Variants in RBMS3 observed in about 807,000 individuals in gnomAD.
RBMS3 encodes RNA binding motif single stranded interacting protein 3, also known as RNA-binding motif, single-stranded-interacting protein 3.
A neutral mutation model predicts 66.8 loss-of-function variants in RBMS3; 27 were observed. The ratio of observed to expected loss-of-function variants is 0.40; its 90% confidence interval spans 0.30 to 0.56. The LOEUF (loss-of-function observed/expected upper bound fraction) is 0.56. Ranked by LOEUF, RBMS3 falls within the 20% of genes least tolerant of loss-of-function variation. The probability of loss-of-function intolerance (pLI) is 0.40; values close to 1 mark genes in which losing one functional copy is unlikely to be tolerated. For synonymous variants in RBMS3, 188 were observed against 183.0 expected (o/e 1.03, Z -0.22); for missense variants, 513 against 549.5 (o/e 0.93, Z 0.66).
chr3:29,803,617 A>G (rs907898310), intron 6 of RBMS3, among the ~76,000 whole-genome samples: 1 of 152,038 alleles, frequency 6.6e-6, no homozygotes, highest in Non-Finnish European at 1.5e-5. Context: ...CACATTTTAT[A>G]TATGTGTAAT....
Position 29,791,215 on chromosome 3 carries a change from G to A in RBMS3, c.637+28226G>A, listed in dbSNP as rs531131161. On this transcript the variant is annotated intron_variant, in intron 6 of 14. Transcript: ENST00000383767. Reference sequence around the variant, plus strand: ...GATTTCTTTAGAAGACAGGTATTATGTAAATACTGCCTTGTAGAAATGCAT... The same window carrying A: ...GATTTCTTTAGAAGACAGGTATTATATAAATACTGCCTTGTAGAAATGCAT... Among the ~76,000 whole-genome samples the A allele has an allele frequency of 2.2e-4, 33 of 152,266 alleles. No homozygotes were observed. In the South Asian group the frequency reaches 6.8e-3, roughly 32 times the overall value.
At chr3:29,556,474 G>C (rs2046367914) in intron 3 of RBMS3, 2 of 152,384 alleles carry the variant, frequency 1.3e-5, no homozygotes, top group African/African-American at 4.8e-5. Context: ...GTGGTGGCGG[G>C]CACCTGTAGT....
rs78674743 is a variant in RBMS3, at chr3:29,377,904, A to C, written c.76-56839A>C. 3.9e-3 allele frequency among the ~76,000 whole-genome samples: 598 copies of C among 152,350 alleles called. 5 individuals carry two copies. The highest frequency in any genetic ancestry group is 0.014 in the African/African-American group (570 of 41,574). ...TGTTACCAAAACTAGTCTTTTAGCA[A>C]GAATCTTACTAGAATAAAATGGCTC... On this transcript the variant is annotated intron_variant, in intron 1 of 14. Coordinates refer to ENST00000383767, the MANE Select transcript of RBMS3 (RefSeq NM_001003793.3).
chr3:29,364,677 C>G (rs1171809500), intron 1 of RBMS3, among the ~76,000 whole-genome samples: 1 of 152,088 alleles, frequency 6.6e-6, no homozygotes, highest in East Asian at 1.9e-4. Context: ...CGGAGTAGCC[C>G]AATCTCGGCA....
chr3:29,782,262 C>A (rs1559665513), intron 6 of RBMS3, among the ~76,000 whole-genome samples: 1 of 152,172 alleles, frequency 6.6e-6, no homozygotes, highest in South Asian at 2.1e-4. Flanking sequence ...CAAGCAAGGA[C>A]CCTCACAGAG....
intron 1 of RBMS3, among the ~76,000 whole-genome samples, chr3:29,351,987 A>C (rs2036942120): frequency 6.6e-6 from 1 of 152,082 alleles, no homozygotes; most frequent in Non-Finnish European, 1.5e-5. Flanking sequence ...ATTATTGAAT[A>C]ACTTCTCCGT....
intron 4 of RBMS3, among the ~76,000 whole-genome samples, chr3:29,713,784 G>A (rs76178670): frequency 0.068 from 10,421 of 152,208 alleles, 1,178 homozygotes; most frequent in African/African-American, 0.24. Flanking sequence ...GCCAGGTGCT[G>A]TAGCTCACAT....
At chr3:29,921,790 C>T (rs919724384) in intron 10 of RBMS3, among the ~76,000 whole-genome samples, 4 of 152,060 alleles carry the variant, frequency 2.6e-5, no homozygotes, top group East Asian at 1.9e-4. Context: ...AGATGCAATC[C>T]GGTGTGTCTA....
intron 2 of RBMS3, among the ~76,000 whole-genome samples, chr3:29,439,373 T>C (rs2041525587): frequency 6.6e-6 from 1 of 152,156 alleles, no homozygotes; most frequent in Non-Finnish European, 1.5e-5. Flanking sequence ...TAGGAATAGT[T>C]GAAAAGCTGA....
intron 6 of RBMS3, among the ~76,000 whole-genome samples, chr3:29,804,386 T>A (rs1259776835): frequency 1.3e-5 from 2 of 152,092 alleles, no homozygotes; most frequent in Non-Finnish European, 2.9e-5. Flanking sequence ...ATATATAGAC[T>A]TATATTCTAT....
intron 2 of RBMS3, among the ~76,000 whole-genome samples, chr3:29,443,254 T>A (rs2041693722): frequency 6.6e-6 from 1 of 152,136 alleles, no homozygotes; most frequent in African/African-American, 2.4e-5. Context: ...ATATTTATGA[T>A]ACCCAATAGC....
At position 29,617,575 on chromosome 3, in the gene RBMS3, C is replaced by G. The variant is rs1291524470; in HGVS notation, c.399+30370C>G. ...AGCTCCAATCTTGAAACTGGGATGCCTAATCTAGTCTTTGCTTTGCCATAT... is the reference window on the plus strand; with the variant it reads ...AGCTCCAATCTTGAAACTGGGATGCGTAATCTAGTCTTTGCTTTGCCATAT... On this transcript the variant is annotated intron_variant, in intron 4 of 14. Coordinates refer to ENST00000383767, the MANE Select transcript of RBMS3 (RefSeq NM_001003793.3). Among the ~76,000 whole-genome samples, 5 of 152,240 alleles carry G rather than the reference C, an allele frequency of 3.3e-5. No homozygotes were observed. In the South Asian group the frequency reaches 1.0e-3, roughly 32 times the overall value.
At chr3:29,456,306 T>TAA (rs2042188834) in intron 2 of RBMS3, among the ~76,000 whole-genome samples, 1 of 152,184 alleles carries the variant, frequency 6.6e-6, no homozygotes, top group African/African-American at 2.4e-5. Flanking sequence ...AAACATGTGT[T>TAA]TTCCACTCTC....
chr3:29,437,134 G>T lies in RBMS3; in HGVS notation c.248+2219G>T, dbSNP rs148956921. ...CTTGAGCCAATTGTTACATATTCAA[G>T]AATTTTGTTAGCAATCTGTTACAGA... On this transcript the variant is annotated intron_variant, in intron 2 of 14. Coordinates refer to ENST00000383767, the MANE Select transcript of RBMS3 (RefSeq NM_001003793.3). 7.4e-3 allele frequency among the ~76,000 whole-genome samples: 1,123 copies of T among 152,318 alleles called. 12 individuals carry two copies. The highest frequency in any genetic ancestry group is 0.024 in the Middle Eastern group (7 of 294).
intron 4 of RBMS3, among the ~76,000 whole-genome samples, chr3:29,659,377 T>C (rs2149226016): frequency 6.6e-6 from 1 of 152,302 alleles, no homozygotes; most frequent in South Asian, 2.1e-4. Context: ...CATTGAACAA[T>C]AATTCCCTAT....
At position 30,005,420 on chromosome 3, in the gene RBMS3, A is replaced by T. The variant is rs560862150; in HGVS notation, c.*1558A>T. On this transcript the variant is annotated 3_prime_UTR_variant, in exon 15 of 15. Transcript: ENST00000383767. ...TATTGATGGCCACTAGTAAACCAAG[A>T]TGCTTATTTAACAGGTGGAATATTC... 2 of 152,004 alleles carry T rather than the reference A, an allele frequency of 1.3e-5. No individual in the cohort carries two copies. Among genetic ancestry groups the T allele is most frequent in the African/African-American group, 4.8e-5 (2 of 41,522 alleles). The allele number at this position is 152,004 out of a possible 1,614,324, so 9.4% of individuals were successfully genotyped here. A position where few individuals can be genotyped will look rare whatever the true frequency, so the allele number is the denominator to read the frequency against.
At chr3:29,700,711 T>C (rs889008131) in intron 4 of RBMS3, among the ~76,000 whole-genome samples, 1 of 151,722 alleles carries the variant, frequency 6.6e-6, no homozygotes, top group Admixed American at 6.6e-5. Context: ...AAGCTATAAT[T>C]AGCCAAGGAA....
chr3:29,708,627 G>A (rs2053015896), intron 4 of RBMS3, among the ~76,000 whole-genome samples: 1 of 152,136 alleles, frequency 6.6e-6, no homozygotes, highest in South Asian at 2.1e-4. Flanking sequence ...CAGTGATTGG[G>A]GTGATTCTAG....
intron 4 of RBMS3, among the ~76,000 whole-genome samples, chr3:29,675,848 A>G (rs1255862875): frequency 6.6e-6 from 1 of 152,228 alleles, no homozygotes; most frequent in East Asian, 1.9e-4. Flanking sequence ...TAGTTCAACC[A>G]TTGTGGAAGA....
Sources: gnomAD v4.1 joint callset for allele counts (sites outside exome capture counted in the v4.1 genomes callset) on GRCh38, gnomAD v4.1.1 for gene constraint, MANE v1.5 for transcripts, NCBI Gene and HGNC (gene_info 2026-07-23, HGNC 2026-07-21) for gene names.